KIRREL3: variants seen among roughly 807,000 people sequenced by gnomAD.
KIRREL3 encodes kirre like nephrin family adhesion molecule 3.
In KIRREL3, 36 loss-of-function variants were observed where a neutral mutation model predicts 89.7. The ratio of observed to expected loss-of-function variants is 0.40; its 90% confidence interval spans 0.31 to 0.53. The LOEUF is 0.53. KIRREL3 is among the 20% of genes least tolerant of loss of function. The pLI is 0.49. For synonymous variants in KIRREL3, 445 were observed against 441.4 expected (o/e 1.01, Z -0.10); for missense variants, 864 against 1,056.6 (o/e 0.82, Z 2.53).
In KIRREL3 at chr11:126,541,976, C is replaced by T. The variant is rs377546442; in HGVS notation, c.134-15289G>A. ...AACGGTGGAGGCAGAGCTGAGGCAGCGCGGGAAGGACCGAGTCCTGCCCTC... is the reference window on the plus strand; with the variant it reads ...AACGGTGGAGGCAGAGCTGAGGCAGTGCGGGAAGGACCGAGTCCTGCCCTC... On this transcript the variant is annotated intron_variant, in intron 2 of 16. Transcript: ENST00000525144. The surrounding 1 kb of genome is among the most constrained non-coding windows in gnomAD (Gnocchi z 4.8). 2.2e-4 allele frequency among the ~76,000 whole-genome samples: 33 copies of T among 152,312 alleles called. No individual in the cohort carries two copies. Among genetic ancestry groups the T allele is most frequent in the Admixed American group, 5.9e-4 (9 of 15,306 alleles).
At chr11:126,483,471 T>C (rs1270834061) in intron 4 of KIRREL3, among the ~76,000 whole-genome samples, 1 of 152,256 alleles carries the variant, frequency 6.6e-6, no homozygotes, top group African/African-American at 2.4e-5. Context: ...AGCTAACTGA[T>C]GTAACCCAGT....
rs2134331552 is a variant in KIRREL3 at position 126,782,275 on chromosome 11, GA to G, written c.55+218179del. 6.6e-6 allele frequency among the ~76,000 whole-genome samples: 1 copy of G among 152,310 alleles called. No individual in the cohort carries two copies. The highest frequency in any genetic ancestry group is 2.4e-5 in the African/African-American group (1 of 41,562). Reference sequence around the variant, plus strand: ...GGGCTGCCCGTGCGCCTTGGAATCTGATAGGAATAAGGAATAATGCTTTGTT... The same window carrying G: ...GGGCTGCCCGTGCGCCTTGGAATCTGTAGGAATAAGGAATAATGCTTTGTT... On this transcript the variant is annotated intron_variant, in intron 1 of 16. Coordinates refer to ENST00000525144, the MANE Select transcript of KIRREL3 (RefSeq NM_032531.4). This position sits in a 1 kb window ranked among gnomAD's most constrained non-coding sequence, Gnocchi z 4.1.
intron 1 of KIRREL3, among the ~76,000 whole-genome samples, chr11:126,840,241 G>A (rs771322540): frequency 5.3e-5 from 8 of 152,108 alleles, no homozygotes; most frequent in Non-Finnish European, 1.0e-4. Context: ...AAGGAAATCC[G>A]GACTAGTTGC....
In KIRREL3 at chr11:126,905,278, G is replaced by T. The variant is rs545952655; in HGVS notation, c.55+95177C>A. Among the ~76,000 whole-genome samples the T allele has an allele frequency of 1.7e-4, 26 of 152,090 alleles. No homozygotes were observed. Among genetic ancestry groups the T allele is most frequent in the Admixed American group, 7.2e-4 (11 of 15,272 alleles). On this transcript the variant is annotated intron_variant, in intron 1 of 16. Coordinates refer to ENST00000525144, the MANE Select transcript of KIRREL3 (RefSeq NM_032531.4). This position sits in a 1 kb window ranked among gnomAD's most constrained non-coding sequence, Gnocchi z 5.0. ...ATTTTTTAGTGAAGGAGATGCTTCC[G>T]GGGGGAGCTGCAAGCTGAGGGGCTG...
At chr11:126,534,624 C>A (rs1449524038) in intron 2 of KIRREL3, among the ~76,000 whole-genome samples, 2 of 152,190 alleles carry the variant, frequency 1.3e-5, no homozygotes, top group African/African-American at 2.4e-5. Flanking sequence ...GCTGTTGTGA[C>A]CTGCAGGGGC....
chr11:126,464,145 G>T (rs1026268193), intron 5 of KIRREL3, among the ~76,000 whole-genome samples: 2 of 152,010 alleles, frequency 1.3e-5, no homozygotes, highest in Admixed American at 6.6e-5. Flanking sequence ...ATTAGTTAAG[G>T]CTCTTGAGAT....
rs1943652473 is a variant in KIRREL3, at chr11:126,623,428, G to A, written c.56-60516C>T. 6.6e-6 allele frequency among the ~76,000 whole-genome samples: 1 copy of A among 152,140 alleles called. No homozygotes were observed. The highest frequency in any genetic ancestry group is 2.1e-4 in the South Asian group (1 of 4,826). ...CTTCTCAGCTTGTTGCTCCTTCACT[G>A]TAAGTCCAAGTTCTTTGAAGGAAGG... On this transcript the variant is annotated intron_variant, in intron 1 of 16. Transcript: ENST00000525144. The surrounding 1 kb of genome is among the most constrained non-coding windows in gnomAD (Gnocchi z 4.1).
intron 1 of KIRREL3, among the ~76,000 whole-genome samples, chr11:126,603,329 A>C (rs1027784145): frequency 6.6e-6 from 1 of 152,154 alleles, no homozygotes; most frequent in African/African-American, 2.4e-5. Flanking sequence ...TTGGGGAGAA[A>C]TACCTCCCTC....
intron 1 of KIRREL3, among the ~76,000 whole-genome samples, chr11:126,884,252 A>G (rs1346963597): frequency 6.6e-6 from 1 of 152,178 alleles, no homozygotes; most frequent in Non-Finnish European, 1.5e-5. Context: ...ATTTTAAACA[A>G]TCCCTCCAGA....
In KIRREL3 at chr11:126,797,670, A is replaced by G. The variant is rs544794703; in HGVS notation, c.55+202785T>C. ...GCAGCGGGAGTCTCAGCATCCAAGCACAATCAGCACTGGGTCGATGTATAT... is the reference window on the plus strand; with the variant it reads ...GCAGCGGGAGTCTCAGCATCCAAGCGCAATCAGCACTGGGTCGATGTATAT... On this transcript the variant is annotated intron_variant, in intron 1 of 16. Coordinates refer to ENST00000525144, the MANE Select transcript of KIRREL3 (RefSeq NM_032531.4). This position sits in a 1 kb window ranked among gnomAD's most constrained non-coding sequence, Gnocchi z 4.9. 6.6e-6 allele frequency among the ~76,000 whole-genome samples: 1 copy of G among 152,154 alleles called. No individual in the cohort carries two copies. The highest frequency in any genetic ancestry group is 2.4e-5 in the African/African-American group (1 of 41,442).
At chr11:126,923,129 C>CTCCT (rs1246765425) in intron 1 of KIRREL3, among the ~76,000 whole-genome samples, 1 of 25,732 alleles carries the variant, frequency 3.9e-5, no homozygotes, top group African/African-American at 1.9e-4. Flanking sequence ...TCTCCTTCTT[C>CTCCT]TCTTCTTCTT....
intron 1 of KIRREL3, among the ~76,000 whole-genome samples, chr11:126,598,232 A>C (rs903355095): frequency 4.6e-5 from 7 of 152,236 alleles, no homozygotes; most frequent in Non-Finnish European, 8.8e-5. Context: ...GCAATAGGCC[A>C]TGTAGGAAGT....
At position 126,558,125 on chromosome 11, in the gene KIRREL3, C is replaced by A. The variant is rs1939839367; in HGVS notation, c.133+4710G>T. Among the ~76,000 whole-genome samples, 1 of 152,174 alleles carries A rather than the reference C, an allele frequency of 6.6e-6. No homozygotes were observed. The highest frequency in any genetic ancestry group is 2.4e-5 in the African/African-American group (1 of 41,442). ...AGGCACCAGTGTGAGGGAGGAGTAC[C>A]CTCCTGTGCAGGCCCCCCTCTGCCC... On this transcript the variant is annotated intron_variant, in intron 2 of 16. Transcript: ENST00000525144. This position sits in a 1 kb window ranked among gnomAD's most constrained non-coding sequence, Gnocchi z 4.0.
At chr11:126,921,747 TTCTATCTATCTATCTATCTATCTATCTA>T (rs201000548) in intron 1 of KIRREL3, among the ~76,000 whole-genome samples, 17 of 134,986 alleles carry the variant, frequency 1.3e-4, no homozygotes, top group African/African-American at 4.7e-4. Context: ...TATATCTGTC[TTCTATCTATCTATCTATCTATCTATCTA>T]TCTATCTATC....
intron 2 of KIRREL3, chr11:126,549,573 G>A (rs1271925341): frequency 6.6e-6 from 1 of 152,214 alleles, no homozygotes; most frequent in African/African-American, 2.4e-5. Flanking sequence ...ACTTCTCTGG[G>A]GCTTTCTTCA....
chr11:126,535,700 G>A lies in KIRREL3; in HGVS notation c.134-9013C>T, dbSNP rs1389381220. Among the ~76,000 whole-genome samples, 3 of 152,118 alleles carry A rather than the reference G, an allele frequency of 2.0e-5. No individual in the cohort carries two copies. The highest frequency in any genetic ancestry group is 4.4e-5 in the Non-Finnish European group (3 of 68,016). ...TTATCAAGCACTTAAGATTTTGGTT[G>A]AGGGCTGGGCCCGGTGGCTCACGCC... is the stretch of plus-strand genomic sequence containing the variant. On this transcript the variant is annotated intron_variant, in intron 2 of 16. Transcript: ENST00000525144. This position sits in a 1 kb window ranked among gnomAD's most constrained non-coding sequence, Gnocchi z 4.5.
At chr11:126,894,253 G>A (rs1010073127) in intron 1 of KIRREL3, among the ~76,000 whole-genome samples, 9 of 152,114 alleles carry the variant, frequency 5.9e-5, no homozygotes, top group Non-Finnish European at 1.0e-4. Context: ...TCATTTATTT[G>A]CTGGGTAAGT....
intron 1 of KIRREL3, among the ~76,000 whole-genome samples, chr11:126,632,186 T>A (rs1297203322): frequency 6.6e-6 from 1 of 152,212 alleles, no homozygotes; most frequent in Non-Finnish European, 1.5e-5. Context: ...GTCTCACACT[T>A]TGAGGACCAC....
chr11:126,947,829 T>G (rs996399429), intron 1 of KIRREL3, among the ~76,000 whole-genome samples: 1 of 152,238 alleles, frequency 6.6e-6, no homozygotes, highest in Non-Finnish European at 1.5e-5. Flanking sequence ...CTGTTCAGAC[T>G]AATCAGACAT....
Sources: allele counts gnomAD v4.1 joint callset (sites outside exome capture counted in the v4.1 genomes callset), GRCh38; gene constraint gnomAD v4.1.1; non-coding constraint Gnocchi (gnomAD v3.1); transcripts MANE v1.5; gene names NCBI Gene and HGNC (gene_info 2026-07-23, HGNC 2026-07-21).